OXR1: variants seen among roughly 807,000 people sequenced by gnomAD.
OXR1 encodes oxidation resistance protein 1.
In OXR1, 41 loss-of-function variants were observed where a neutral mutation model predicts 104.6. The ratio of observed to expected loss-of-function variants is 0.39; its 90% confidence interval spans 0.31 to 0.51. The LOEUF is 0.51. Among genes scored for constraint, OXR1 ranks in the 20% least tolerant of loss-of-function variants. The pLI is 0.77. For synonymous variants in OXR1, 348 were observed against 348.4 expected, an observed-to-expected ratio of 1.00 and a Z score of 0.01; for missense variants, 955 against 1,031.9, an observed-to-expected ratio of 0.93 and a Z score of 1.02.
intron 2 of OXR1, among the ~76,000 whole-genome samples, chr8:106,395,371 C>T (rs1324415954): frequency 6.6e-6 from 1 of 152,128 alleles, no homozygotes; most frequent in Non-Finnish European, 1.5e-5. Context: ...ACTTACAGTT[C>T]CACATGGCTG....
At chr8:106,316,716 TCATCTATC>T (rs1446045551) in intron 1 of OXR1, among the ~76,000 whole-genome samples, 11 of 60,944 alleles carry the variant, frequency 1.8e-4, no homozygotes, top group Admixed American at 7.3e-4. Context: ...TATCTATCTA[TCATCTATC>T]TATCTATCTA....
intron 1 of OXR1, among the ~76,000 whole-genome samples, chr8:106,286,675 G>A (rs1812515117): frequency 7.2e-6 from 1 of 138,424 alleles, no homozygotes; most frequent in South Asian, 2.5e-4. Flanking sequence ...GTGTTGCTAT[G>A]TACTACAGAA....
intron 3 of OXR1, among the ~76,000 whole-genome samples, chr8:106,670,967 C>A (rs1242287005): frequency 2.0e-5 from 3 of 146,642 alleles, no homozygotes; most frequent in Admixed American, 6.9e-5. Flanking sequence ...ATTGCTTGAA[C>A]CTGGCAGGCA....
intron 2 of OXR1, among the ~76,000 whole-genome samples, chr8:106,371,602 C>T (rs1816710653): frequency 6.6e-6 from 1 of 152,184 alleles, no homozygotes; most frequent in Admixed American, 6.5e-5. Flanking sequence ...TCTCTTTGTT[C>T]TCATTGGTTT....
intron 2 of OXR1, among the ~76,000 whole-genome samples, chr8:106,495,608 T>C (rs1425830091): frequency 6.6e-6 from 1 of 152,160 alleles, no homozygotes; most frequent in East Asian, 1.9e-4. Context: ...CTGTGTATCC[T>C]GGGGTAAGAT....
Position 106,555,529 on chromosome 8 carries a change from C to T in OXR1, c.220+36390C>T, listed in dbSNP as rs530922097. ...AGATCTTTCACACAGCTGGTAGTAG[C>T]AGGAAAATGAAGAGTCTATAGATGA... is the stretch of plus-strand genomic sequence containing the variant. On this transcript the variant is annotated intron_variant, in intron 3 of 16. Coordinates refer to ENST00000517566, the MANE Select transcript of OXR1 (RefSeq NM_001198533.2). Among the ~76,000 whole-genome samples the T allele has an allele frequency of 2.6e-5, 4 of 152,140 alleles. No individual in the cohort carries two copies. In the South Asian group the frequency reaches 8.3e-4, roughly 32 times the overall value.
intron 3 of OXR1, among the ~76,000 whole-genome samples, chr8:106,628,510 CTTTTATAGAT>C (rs980507536): frequency 1.3e-5 from 2 of 152,164 alleles, no homozygotes; most frequent in Non-Finnish European, 2.9e-5. Context: ...AAAATTGATG[CTTTTATAGAT>C]TTTACTGTTG....
At chr8:106,580,755 T>C (rs763166172) in intron 3 of OXR1, among the ~76,000 whole-genome samples, 1 of 152,176 alleles carries the variant, frequency 6.6e-6, no homozygotes, top group Non-Finnish European at 1.5e-5. Flanking sequence ...TGTAAAACAT[T>C]ATATCTTTTT....
intron 1 of OXR1, among the ~76,000 whole-genome samples, chr8:106,278,655 TA>T (rs1311119239): frequency 1.3e-5 from 2 of 152,228 alleles, no homozygotes; most frequent in African/African-American, 4.8e-5. Flanking sequence ...TTCTCTCATT[TA>T]TTTTTCACCC....
At chr8:106,382,413 A>T (rs1449514805) in intron 2 of OXR1, among the ~76,000 whole-genome samples, 1 of 152,178 alleles carries the variant, frequency 6.6e-6, no homozygotes, top group Non-Finnish European at 1.5e-5. Flanking sequence ...GCTGACCACA[A>T]GTCTTCAAAA....
intron 3 of OXR1, among the ~76,000 whole-genome samples, chr8:106,579,833 G>T (rs1818108017): frequency 6.6e-6 from 1 of 151,782 alleles, no homozygotes; most frequent in African/African-American, 2.4e-5. Flanking sequence ...GAGTTTTGGG[G>T]TAGTAATGAT....
At chr8:106,278,413 T>C (rs1335640834) in intron 1 of OXR1, among the ~76,000 whole-genome samples, 1 of 152,060 alleles carries the variant, frequency 6.6e-6, no homozygotes, top group East Asian at 1.9e-4. Context: ...CATACCAAAT[T>C]ACACTTTACA....
intron 2 of OXR1, among the ~76,000 whole-genome samples, chr8:106,474,983 T>A (rs1048656408): frequency 2.0e-5 from 3 of 151,976 alleles, no homozygotes; most frequent in African/African-American, 7.2e-5. Flanking sequence ...GCAAGTTACA[T>A]AACATTTCTG....
Position 106,466,015 on chromosome 8 carries a change from A to C in OXR1, c.24-52928A>C, listed in dbSNP as rs542102409. On this transcript the variant is annotated intron_variant, in intron 2 of 16. Transcript: ENST00000517566. ...AAGCCTTCTTTAATATCATTGTCCA[A>C]AGAGTATTCATCAATGTCTCTACTG... Among the ~76,000 whole-genome samples, 80 of 152,096 alleles carry C rather than the reference A, an allele frequency of 5.3e-4. No homozygotes were observed. The South Asian group carries it at 0.016, about 31-fold the overall frequency.
intron 1 of OXR1, among the ~76,000 whole-genome samples, chr8:106,278,201 G>A (rs567848590): frequency 1.3e-5 from 2 of 152,160 alleles, no homozygotes; most frequent in South Asian, 4.2e-4. Flanking sequence ...GACTGGCTGG[G>A]TACACACTAG....
intron 3 of OXR1, among the ~76,000 whole-genome samples, chr8:106,630,635 A>G (rs1480977197): frequency 6.6e-6 from 1 of 152,224 alleles, no homozygotes; most frequent in Non-Finnish European, 1.5e-5. Context: ...GGTTGTTTAC[A>G]CAAAGTAACA....
intron 11 of OXR1, among the ~76,000 whole-genome samples, chr8:106,736,100 C>G (rs554385194): frequency 6.6e-6 from 1 of 152,136 alleles, no homozygotes; most frequent in African/African-American, 2.4e-5. Flanking sequence ...TTGATATGCA[C>G]TTTTACTATT....
chr8:106,665,478 A>T (rs1339939981), intron 3 of OXR1, among the ~76,000 whole-genome samples: 1 of 152,248 alleles, frequency 6.6e-6, no homozygotes, highest in African/African-American at 2.4e-5. Context: ...ACCCATGTTT[A>T]TAACAGGATT....
chr8:106,439,611 G>GC, intron 2 of OXR1, among the ~76,000 whole-genome samples: 1 of 151,930 alleles, frequency 6.6e-6, no homozygotes, highest in Non-Finnish European at 1.5e-5. Flanking sequence ...GTAGCTAAAG[G>GC]CATGTGCTGG....
Sources: gnomAD v4.1 joint callset for allele counts (sites outside exome capture counted in the v4.1 genomes callset) on GRCh38, gnomAD v4.1.1 for gene constraint, MANE v1.5 for transcripts, NCBI Gene and HGNC (gene_info 2026-07-23, HGNC 2026-07-21) for gene names.